Variants in SCAPER observed in about 807,000 individuals in gnomAD.
SCAPER encodes the protein S-phase cyclin A associated protein in the ER, also known as S phase cyclin A-associated protein in the endoplasmic reticulum.
In SCAPER, 98 loss-of-function variants were observed where a neutral mutation model predicts 182.2. The ratio of observed to expected loss-of-function variants is 0.54; its 90% confidence interval spans 0.46 to 0.64. The LOEUF (loss-of-function observed/expected upper bound fraction) is 0.64, where lower values mean the gene tolerates loss of function less well. Ranked by LOEUF, SCAPER falls within the 30% of genes least tolerant of loss-of-function variation. The probability of loss-of-function intolerance (pLI) is 0.00; values close to 1 mark genes in which losing one functional copy is unlikely to be tolerated. For missense variants in SCAPER, 1,432 were observed against 1,690.0 expected, an observed-to-expected ratio of 0.85 and a Z score of 2.68; for synonymous variants, 605 against 564.6, an observed-to-expected ratio of 1.07 and a Z score of -1.01.
At chr15:76,859,647 G>C (rs2151872705) in intron 3 of SCAPER, among the ~76,000 whole-genome samples, 1 of 152,280 alleles carries the variant, frequency 6.6e-6, no homozygotes, top group East Asian at 1.9e-4. Context: ...AATTGTAAAT[G>C]TTAATATTCT....
At chr15:76,536,351 A>G (rs916126062) in intron 23 of SCAPER, among the ~76,000 whole-genome samples, 33 of 152,182 alleles carry the variant, frequency 2.2e-4, no homozygotes, top group Non-Finnish European at 2.4e-4. Context: ...CAGTATTAAA[A>G]TAATAAAAAT....
chr15:76,856,289 G>C lies in SCAPER; in HGVS notation c.195+1520C>G, dbSNP rs745500144. ...TTGAGGGTGGGAGAAAAAAGAGAAAGAGGAAAAATAACTATTGGGTACTAG... is the reference window on the plus strand; with the variant it reads ...TTGAGGGTGGGAGAAAAAAGAGAAACAGGAAAAATAACTATTGGGTACTAG... On this transcript the variant is annotated intron_variant, in intron 4 of 31. Coordinates refer to ENST00000563290, the MANE Select transcript of SCAPER (RefSeq NM_020843.4). 2.5e-4 allele frequency among the ~76,000 whole-genome samples: 38 copies of C among 152,108 alleles called. 1 individual carries two copies. The highest frequency in any genetic ancestry group is 4.2e-4 in the South Asian group (2 of 4,810).
At chr15:76,855,134 C>T (rs189072647) in intron 4 of SCAPER, among the ~76,000 whole-genome samples, 4 of 152,206 alleles carry the variant, frequency 2.6e-5, no homozygotes, top group Admixed American at 2.0e-4. Context: ...CACACACCTA[C>T]AACTATCTGA....
chr15:76,357,800 C>T (rs910352633), intron 29 of SCAPER, among the ~76,000 whole-genome samples: 5 of 152,134 alleles, frequency 3.3e-5, no homozygotes, highest in Non-Finnish European at 7.3e-5. Context: ...TTTGCAGCAA[C>T]ATGGATGGAT....
chr15:76,723,798 T>G (rs900359302), intron 17 of SCAPER, among the ~76,000 whole-genome samples: 1 of 152,208 alleles, frequency 6.6e-6, no homozygotes, highest in Non-Finnish European at 1.5e-5. Flanking sequence ...TTCATCCCTT[T>G]TTTGTGAGCC....
At chr15:76,402,102 G>A (rs895428654) in intron 27 of SCAPER, among the ~76,000 whole-genome samples, 1 of 152,104 alleles carries the variant, frequency 6.6e-6, no homozygotes, top group Admixed American at 6.5e-5. Flanking sequence ...ACTCCAGCCT[G>A]GGCGACAGAG....
Position 76,653,933 on chromosome 15 carries a change from G to C in SCAPER, c.2645+11720C>G, listed in dbSNP as rs79762722. 7.9e-3 allele frequency among the ~76,000 whole-genome samples: 1,206 copies of C among 152,212 alleles called. 11 individuals carry two copies. The highest frequency in any genetic ancestry group is 0.028 in the African/African-American group (1,145 of 41,554). On this transcript the variant is annotated intron_variant, in intron 21 of 31. Transcript: ENST00000563290. ...CGAGCAAAGAGACAACAAACAGAAT[G>C]GGAGAAGATATTCAGAAACTATGCA... is the stretch of plus-strand genomic sequence containing the variant.
chr15:76,901,810 C>T (rs2074805556), intron 1 of SCAPER, among the ~76,000 whole-genome samples: 1 of 152,186 alleles, frequency 6.6e-6, no homozygotes. Flanking sequence ...ACCTCCACCT[C>T]CCGGATTCAA....
At chr15:76,816,026 A>G (rs1429221603) in intron 5 of SCAPER, among the ~76,000 whole-genome samples, 2 of 152,240 alleles carry the variant, frequency 1.3e-5, no homozygotes, top group African/African-American at 2.4e-5. Flanking sequence ...AGCATTTACC[A>G]TGAATGGAGT....
At chr15:76,420,235 C>CTTTTTT (rs71143323) in intron 26 of SCAPER, among the ~76,000 whole-genome samples, 1 of 116,910 alleles carries the variant, frequency 8.6e-6, no homozygotes, top group Non-Finnish European at 1.7e-5. Context: ...ATGTTTTTTC[C>CTTTTTT]TTTTTTTTTT....
intron 26 of SCAPER, among the ~76,000 whole-genome samples, chr15:76,416,232 T>C (rs961690069): frequency 4.0e-5 from 6 of 151,646 alleles, no homozygotes; most frequent in African/African-American, 7.3e-5. Flanking sequence ...CCCAGCACTT[T>C]GGAAGGCCGA....
At chr15:76,852,352 A>G (rs906213282) in intron 4 of SCAPER, among the ~76,000 whole-genome samples, 3 of 152,234 alleles carry the variant, frequency 2.0e-5, no homozygotes, top group African/African-American at 7.2e-5. Context: ...ATAGATCTCT[A>G]CAGAACTCTC....
intron 26 of SCAPER, among the ~76,000 whole-genome samples, chr15:76,425,169 C>T (rs1293035470): frequency 6.6e-6 from 1 of 152,160 alleles, no homozygotes; most frequent in African/African-American, 2.4e-5. Context: ...GCCTGCCTTG[C>T]TAGGTTGGGG....
intron 23 of SCAPER, among the ~76,000 whole-genome samples, chr15:76,552,341 GA>G (rs2045848207): frequency 1.3e-5 from 2 of 152,058 alleles, no homozygotes; most frequent in Non-Finnish European, 2.9e-5. Context: ...CACCCGGCAG[GA>G]GTATTTCCCA....
rs375611717 is a variant in SCAPER at position 76,409,503 on chromosome 15, G to A, written c.3312-4824C>T. ...ATATTTAGAAACATATACATTATGT[G>A]TGTGTGTGTGTGTGTATACGATGTT... On this transcript the variant is annotated intron_variant, in intron 26 of 31. Coordinates refer to ENST00000563290, the MANE Select transcript of SCAPER (RefSeq NM_020843.4). Among the ~76,000 whole-genome samples, 4 of 151,980 alleles carry A rather than the reference G, an allele frequency of 2.6e-5. No homozygotes were observed. In the East Asian group the frequency reaches 5.8e-4, roughly 22 times the overall value.
chr15:76,360,610 C>T (rs181209377), intron 29 of SCAPER, among the ~76,000 whole-genome samples: 1 of 152,166 alleles, frequency 6.6e-6, no homozygotes, highest in Non-Finnish European at 1.5e-5. Flanking sequence ...TCTGCCAGCC[C>T]GGATGAAGAT....
At chr15:76,370,584 C>G (rs973037399) in intron 29 of SCAPER, among the ~76,000 whole-genome samples, 1 of 152,146 alleles carries the variant, frequency 6.6e-6, no homozygotes. Flanking sequence ...GGATTATAGA[C>G]TTGGGCCACC....
At chr15:76,718,161 G>T (rs924946471) in intron 17 of SCAPER, among the ~76,000 whole-genome samples, 5 of 152,070 alleles carry the variant, frequency 3.3e-5, no homozygotes, top group African/African-American at 1.2e-4. Flanking sequence ...TAAATAACAT[G>T]CTCCAAAATA....
chr15:76,814,469 T>C (rs1040798416), intron 5 of SCAPER, among the ~76,000 whole-genome samples: 2 of 152,032 alleles, frequency 1.3e-5, no homozygotes, highest in African/African-American at 4.8e-5. Context: ...CTCAAGCATA[T>C]GTGGTCAACT....
Sources: gnomAD v4.1 joint callset for allele counts (sites outside exome capture counted in the v4.1 genomes callset) on GRCh38, gnomAD v4.1.1 for gene constraint, MANE v1.5 for transcripts, NCBI Gene and HGNC (gene_info 2026-07-23, HGNC 2026-07-21) for gene names.